Variants in PLAGL1 observed in about 807,000 individuals in gnomAD.
PLAGL1 encodes PLAG1 like zinc finger 1.
In PLAGL1, 1 loss-of-function variant was observed where a neutral mutation model predicts 4.6. That is an observed-to-expected ratio of 0.22 (90% CI 0.08 to 1.03). The LOEUF (loss-of-function observed/expected upper bound fraction) is 1.03, where lower values mean the gene tolerates loss of function less well. PLAGL1 is among the 50% of genes least tolerant of loss of function. The pLI is 0.58. For missense variants in PLAGL1, 464 were observed against 570.4 expected (o/e 0.81, Z 1.90); for synonymous variants, 240 against 237.8 (o/e 1.01, Z -0.08).
At chr6:143,967,435 G>A (rs1023041198) in intron 3 of PLAGL1, 1 of 152,090 alleles carries the variant, frequency 6.6e-6, no homozygotes, top group Non-Finnish European at 1.5e-5. Context: ...TTTCTTTAAT[G>A]TGGATCATCA....
chr6:143,993,775 T>TGTA (rs1791048661), intron 1 of PLAGL1, among the ~76,000 whole-genome samples: 1 of 152,150 alleles, frequency 6.6e-6, no homozygotes, highest in Non-Finnish European at 1.5e-5. Flanking sequence ...TGCAAATCAA[T>TGTA]GTAGCAAATC....
intron 1 of PLAGL1, among the ~76,000 whole-genome samples, chr6:144,049,653 A>T (rs1369003242): frequency 6.6e-6 from 1 of 152,154 alleles, no homozygotes; most frequent in Non-Finnish European, 1.5e-5. Flanking sequence ...GCATGGGGAA[A>T]ACTGGCCCCA....
At chr6:144,009,833 A>G (rs1419517868), upstream of PLAGL1, among the ~76,000 whole-genome samples, 2 of 152,152 alleles carry the variant, frequency 1.3e-5, no homozygotes, top group African/African-American at 4.8e-5. Context: ...CCATGTCCCT[A>G]CAAAGGACAT....
In PLAGL1 at chr6:143,975,173, C is replaced by T. The variant is rs1387211994; in HGVS notation, c.-543-6195G>A. 6.6e-6 allele frequency among the ~76,000 whole-genome samples: 1 copy of T among 152,146 alleles called. No individual in the cohort carries two copies. Among genetic ancestry groups the T allele is most frequent in the Non-Finnish European group, 1.5e-5 (1 of 68,020 alleles). ...TTTGAGTCTCATGCTGTTTCCATTA[C>T]ACCAGCTACCATGTACTGGGGATAT... On this transcript the variant is annotated intron_variant, in intron 2 of 7. Transcript: ENST00000674357. The surrounding 1 kb of genome is among the most constrained non-coding windows in gnomAD (Gnocchi z 5.8).
rs923322749 is a variant in PLAGL1, at chr6:143,982,961, G to A, written c.-544+2174C>T. Among the ~76,000 whole-genome samples the A allele has an allele frequency of 2.0e-5, 3 of 152,178 alleles. No homozygotes were observed. Among genetic ancestry groups the A allele is most frequent in the Non-Finnish European group, 4.4e-5 (3 of 68,018 alleles). ...AGAGGTCCATACTGGAGACAATTTA[G>A]TAGCTGCCAGCATATATGTATTTAA... On this transcript the variant is annotated intron_variant, in intron 2 of 7. Transcript: ENST00000674357. This position sits in a 1 kb window ranked among gnomAD's most constrained non-coding sequence, Gnocchi z 5.3.
chr6:143,986,054 C>G (rs1429163978), intron 1 of PLAGL1, among the ~76,000 whole-genome samples: 5 of 138,328 alleles, frequency 3.6e-5, no homozygotes, highest in African/African-American at 1.1e-4. Context: ...GCACATTGAC[C>G]CTGTTTGGCC....
chr6:144,027,235 G>GAACA lies in PLAGL1; in HGVS notation c.-151+37232_-151+37233insTGTT, dbSNP rs1328905424. 4.3e-4 allele frequency among the ~76,000 whole-genome samples: 17 copies of GAACA among 39,248 alleles called. 1 individual carries two copies. Among genetic ancestry groups the GAACA allele is most frequent in the Admixed American group, 1.2e-3 (3 of 2,484 alleles). The allele number at this position is 39,248 out of a possible 152,430, so 25.7% of individuals were successfully genotyped here. ...AAAGACCCCAACTCAAAGAACGAAC[G>GAACA]AAAGAAAGAAAGAAAGAAAGAAAGA... is the stretch of plus-strand genomic sequence containing the variant. On this transcript the variant is annotated intron_variant, in intron 1 of 3. Transcript: ENST00000437412. The surrounding 1 kb of genome is among the most constrained non-coding windows in gnomAD (Gnocchi z 5.8).
chr6:143,961,011 G>T lies in PLAGL1; in HGVS notation c.-398-469C>A, dbSNP rs147453712. On this transcript the variant is annotated intron_variant, in intron 5 of 7. Coordinates refer to ENST00000674357, the MANE Select transcript of PLAGL1 (RefSeq NM_001317162.2). The surrounding 1 kb of genome is among the most constrained non-coding windows in gnomAD (Gnocchi z 6.5). ...ATTTATCAAATTTGCAGTGCAAGAA[G>T]GTTGAAGTCTCTAAGTTGAATACTG... is the stretch of plus-strand genomic sequence containing the variant. 342 of 152,340 alleles carry T rather than the reference G, an allele frequency of 2.2e-3. No individual in the cohort carries two copies. The highest frequency in any genetic ancestry group is 7.9e-3 in the African/African-American group (330 of 41,568). 9.4% of individuals were successfully genotyped at this position (152,340 alleles called of 1,614,324 possible).
At chr6:144,009,951 C>G (rs1179131029), upstream of PLAGL1, among the ~76,000 whole-genome samples, 1 of 152,162 alleles carries the variant, frequency 6.6e-6, no homozygotes, top group African/African-American at 2.4e-5. Context: ...CAAGTCTTTG[C>G]TATTGTGAAT....
chr6:144,004,679 T>C lies in PLAGL1; in HGVS notation c.-584+3411A>G, dbSNP rs1793767121. Among the ~76,000 whole-genome samples, 1 of 152,068 alleles carries C rather than the reference T, an allele frequency of 6.6e-6. No homozygotes were observed. Among genetic ancestry groups the C allele is most frequent in the Non-Finnish European group, 1.5e-5 (1 of 68,016 alleles). ...CACAAAGGTATACACATATGTAAAT[T>C]TCACCAAGCTACACACTTTTTTTTG... On this transcript the variant is annotated intron_variant, in intron 1 of 7. Transcript: ENST00000674357. This position sits in a 1 kb window ranked among gnomAD's most constrained non-coding sequence, Gnocchi z 4.2.
intron 1 of PLAGL1, among the ~76,000 whole-genome samples, chr6:143,991,647 T>G (rs1583490604): frequency 6.6e-6 from 1 of 152,176 alleles, no homozygotes; most frequent in Admixed American, 6.5e-5. Flanking sequence ...TCCTTTATCA[T>G]GAGGAGTCCA....
In PLAGL1 at chr6:143,993,583, CT is replaced by C. The variant is rs146207301; in HGVS notation, c.-583-8410del. Reference sequence around the variant, plus strand: ...TTTGAAGATCATTAGCCAAGGAAAACTTTTTTTTAAAAAAACTAAATTGTCT... The same window carrying C: ...TTTGAAGATCATTAGCCAAGGAAAACTTTTTTTAAAAAAACTAAATTGTCT... On this transcript the variant is annotated intron_variant, in intron 1 of 7. Transcript: ENST00000674357. Among the ~76,000 whole-genome samples the C allele has an allele frequency of 2.0e-5, 3 of 152,010 alleles. No individual in the cohort carries two copies. In the East Asian group the frequency reaches 5.8e-4, roughly 29 times the overall value.
chr6:143,988,783 G>T (rs1789759391), intron 1 of PLAGL1, among the ~76,000 whole-genome samples: 1 of 152,204 alleles, frequency 6.6e-6, no homozygotes. Context: ...AAGGTAGGAA[G>T]AAAAGCCAGC....
chr6:144,038,535 C>A (rs1797453673), intron 1 of PLAGL1, among the ~76,000 whole-genome samples: 1 of 152,004 alleles, frequency 6.6e-6, no homozygotes, highest in African/African-American at 2.4e-5. Context: ...TATGTCTGTA[C>A]CCAGTAGATT....
At chr6:144,007,632 G>C (rs1794548379) in intron 1 of PLAGL1, 1 of 152,210 alleles carries the variant, frequency 6.6e-6, no homozygotes, top group African/African-American at 2.4e-5. Context: ...ATACTTTTAA[G>C]AGTATGTCTG....
In PLAGL1 at chr6:144,027,234, C is replaced by CGAAAGAAAGAAAGAAAGAAAGAAA. The variant is rs67928472; in HGVS notation, c.-151+37210_-151+37233dup. 1.8e-4 allele frequency among the ~76,000 whole-genome samples: 20 copies of CGAAAGAAAGAAAGAAAGAAAGAAA among 111,532 alleles called. No homozygotes were observed. Among genetic ancestry groups the CGAAAGAAAGAAAGAAAGAAAGAAA allele is most frequent in the Admixed American group, 5.7e-4 (6 of 10,514 alleles). The allele number at this position is 111,532 out of a possible 152,430, so 73.2% of individuals were successfully genotyped here. ...GAAAGACCCCAACTCAAAGAACGAA[C>CGAAAGAAAGAAAGAAAGAAAGAAA]GAAAGAAAGAAAGAAAGAAAGAAAG... On this transcript the variant is annotated intron_variant, in intron 1 of 3. Transcript: ENST00000437412. This position sits in a 1 kb window ranked among gnomAD's most constrained non-coding sequence, Gnocchi z 5.8.
chr6:144,033,781 TAAAA>T, intron 1 of PLAGL1, among the ~76,000 whole-genome samples: 1 of 152,194 alleles, frequency 6.6e-6, no homozygotes, highest in Non-Finnish European at 1.5e-5. Context: ...TAAAACAATG[TAAAA>T]TCACAAGGTC....
In PLAGL1 at chr6:143,982,278, G is replaced by T. The variant is rs9376803; in HGVS notation, c.-544+2857C>A. On this transcript the variant is annotated intron_variant, in intron 2 of 7. Coordinates refer to ENST00000674357, the MANE Select transcript of PLAGL1 (RefSeq NM_001317162.2). The surrounding 1 kb of genome is among the most constrained non-coding windows in gnomAD (Gnocchi z 5.3). ...CATGGGTGAGAGGATGACAATTTAG[G>T]GAGGATCTGAAGGAGGTAAGGATGT... Among the ~76,000 whole-genome samples, 3 of 151,864 alleles carry T rather than the reference G, an allele frequency of 2.0e-5. No homozygotes were observed. The highest frequency in any genetic ancestry group is 1.5e-5 in the Non-Finnish European group (1 of 67,972).
Position 143,970,994 on chromosome 6 carries a change from C to G in PLAGL1, c.-543-2016G>C, listed in dbSNP as rs1028110035. On this transcript the variant is annotated intron_variant, in intron 2 of 7. Coordinates refer to ENST00000674357, the MANE Select transcript of PLAGL1 (RefSeq NM_001317162.2). This position sits in a 1 kb window ranked among gnomAD's most constrained non-coding sequence, Gnocchi z 5.8. The stretch of plus-strand genomic sequence containing the variant: ...TTGATTTCCTACATTTCCCTCCACT[C>G]TCTGCCTCTCCCTACTTTGGTATTA... 3.3e-5 allele frequency among the ~76,000 whole-genome samples: 5 copies of G among 152,184 alleles called. No individual in the cohort carries two copies. Among genetic ancestry groups the G allele is most frequent in the Admixed American group, 2.0e-4 (3 of 15,278 alleles).
Sources: allele counts gnomAD v4.1 joint callset (sites outside exome capture counted in the v4.1 genomes callset), GRCh38; gene constraint gnomAD v4.1.1; non-coding constraint Gnocchi (gnomAD v3.1); transcripts MANE v1.5; gene names NCBI Gene and HGNC (gene_info 2026-07-23, HGNC 2026-07-21).